The following AXDND1 variants were observed in gnomAD, a reference collection of about 807,000 sequenced individuals.
The protein encoded by AXDND1 is axonemal dynein light chain domain-containing protein 1.
A neutral mutation model predicts 137.5 loss-of-function variants in AXDND1; 110 were observed. The ratio of observed to expected loss-of-function variants is 0.80; its 90% CI spans 0.69 to 0.94. The LOEUF (loss-of-function observed/expected upper bound fraction) is 0.94. AXDND1 is among the 40% of genes least tolerant of loss of function. AXDND1 has a pLI of 0.00. For synonymous variants in AXDND1, 414 were observed against 399.7 expected (o/e 1.04, Z -0.43); for missense variants, 1,191 against 1,169.8 (o/e 1.02, Z -0.26).
chr1:179,538,108 G>A lies in AXDND1; in HGVS notation c.3031+3146G>A, dbSNP rs566557302. 1.6e-4 allele frequency among the ~76,000 whole-genome samples: 25 copies of A among 151,972 alleles called. 1 individual carries two copies. The highest frequency in any genetic ancestry group is 5.8e-4 in the East Asian group (3 of 5,164). On this transcript the variant is annotated intron_variant, in intron 25 of 25. Coordinates refer to ENST00000367618, the MANE Select transcript of AXDND1 (RefSeq NM_144696.6). ...TTTCTTCTTTATTAGTCTTGCTAGC[G>A]GTCTATCTATTTTGTTAATCTTTTC...
chr1:179,406,323 G>C (rs1434651097), intron 11 of AXDND1, among the ~76,000 whole-genome samples: 1 of 152,192 alleles, frequency 6.6e-6, no homozygotes, highest in Non-Finnish European at 1.5e-5. Flanking sequence ...AGAAGAATGT[G>C]TATTCTGCAG....
At chr1:179,515,931 A>T (rs1480209644) in intron 21 of AXDND1, among the ~76,000 whole-genome samples, 1 of 152,200 alleles carries the variant, frequency 6.6e-6, no homozygotes, top group Non-Finnish European at 1.5e-5. Context: ...TAAGATACAC[A>T]GATACAAACC....
chr1:179,510,526 C>G (rs958390075), intron 21 of AXDND1, among the ~76,000 whole-genome samples: 2 of 152,044 alleles, frequency 1.3e-5, no homozygotes, highest in Non-Finnish European at 2.9e-5. Flanking sequence ...CTGTCTAGAT[C>G]TTGGCAAGAA....
chr1:179,496,831 G>T (rs571393373), intron 20 of AXDND1, among the ~76,000 whole-genome samples: 6 of 152,006 alleles, frequency 3.9e-5, no homozygotes, highest in African/African-American at 1.4e-4. Context: ...CCATACCCCC[G>T]TAGGCATTTA....
rs760241113 is a variant in AXDND1 at position 179,468,637 on chromosome 1, G to T, written c.1993G>T (p.Val665Phe). The change falls in exon 17 of 26, where the codon GTT becomes TTT. Residue 665 changes from valine to phenylalanine, a missense_variant. Coordinates refer to ENST00000367618, the MANE Select transcript of AXDND1 (RefSeq NM_144696.6). ...IVPQHIDVDS[V>F]SVLQAYIFNM... ...TCCACAGCACATAGATGTGGATTCT[G>T]TTTCGTAAGTTCCCATAGGTTTCTT... 1 of 1,590,752 alleles carries T rather than the reference G, an allele frequency of 6.3e-7. No individual in the cohort carries two copies. Among genetic ancestry groups the T allele is most frequent in the South Asian group, 1.2e-5 (1 of 85,960 alleles).
At chr1:179,425,929 C>T (rs952394308) in intron 12 of AXDND1, among the ~76,000 whole-genome samples, 11 of 151,224 alleles carry the variant, frequency 7.3e-5, no homozygotes, top group East Asian at 3.9e-4. Context: ...CTCTGCCTCC[C>T]GGGTTCAAGC....
intron 20 of AXDND1, among the ~76,000 whole-genome samples, chr1:179,495,548 G>A (rs1488546828): frequency 6.6e-6 from 1 of 151,788 alleles, no homozygotes; most frequent in East Asian, 1.9e-4. Flanking sequence ...CTGTGACCTT[G>A]CTGAATTCAC....
chr1:179,381,669 A>G (rs1210485561), intron 6 of AXDND1, among the ~76,000 whole-genome samples: 1 of 151,966 alleles, frequency 6.6e-6, no homozygotes, highest in Admixed American at 6.6e-5. Context: ...AAATTTCATC[A>G]TTTCTTCTGT....
chr1:179,455,431 A>G (rs1262272136), intron 16 of AXDND1: 1 of 151,364 alleles, frequency 6.6e-6, no homozygotes, highest in African/African-American at 2.4e-5. Context: ...TCTCTACTAC[A>G]AATACAAAAA....
chr1:179,436,238 G>A (rs1249850815), intron 15 of AXDND1, among the ~76,000 whole-genome samples: 2 of 152,212 alleles, frequency 1.3e-5, no homozygotes, highest in Non-Finnish European at 2.9e-5. Flanking sequence ...CCTTTACATT[G>A]TTGGTGGGAA....
At chr1:179,501,643 C>T (rs922148227) in intron 20 of AXDND1, among the ~76,000 whole-genome samples, 3 of 152,094 alleles carry the variant, frequency 2.0e-5, no homozygotes, top group South Asian at 2.1e-4. Flanking sequence ...ACCGGGAAGG[C>T]GGAGGTCACA....
Position 179,502,447 on chromosome 1 carries a change from C to T in AXDND1, c.2389-6849C>T, listed in dbSNP as rs562505074. Among the ~76,000 whole-genome samples, 59 of 151,716 alleles carry T rather than the reference C, an allele frequency of 3.9e-4. 1 individual carries two copies. In the South Asian group the frequency reaches 0.012, roughly 31 times the overall value. On this transcript the variant is annotated intron_variant, in intron 20 of 25. Coordinates refer to ENST00000367618, the MANE Select transcript of AXDND1 (RefSeq NM_144696.6). ...GGCATGGTGGCACGCACCGGCAGTCCCAGCTACTGGGGAGGCTGAGGCAGG... is the reference window on the plus strand; with the variant it reads ...GGCATGGTGGCACGCACCGGCAGTCTCAGCTACTGGGGAGGCTGAGGCAGG...
intron 17 of AXDND1, among the ~76,000 whole-genome samples, chr1:179,474,395 G>C (rs1395021798): frequency 6.6e-6 from 1 of 152,124 alleles, no homozygotes; most frequent in Non-Finnish European, 1.5e-5. Context: ...AGGGCTCAGA[G>C]GAAGACAGAA....
chr1:179,503,471 C>G (rs1026569969), intron 20 of AXDND1, among the ~76,000 whole-genome samples: 2 of 151,952 alleles, frequency 1.3e-5, no homozygotes, highest in African/African-American at 2.4e-5. Flanking sequence ...ATTGGATGCA[C>G]TAATTTTTAG....
rs1367374012 is a variant in AXDND1, at chr1:179,383,454, A to C, written c.651A>C (p.Lys217Asn). Residue 217 changes from lysine (K) to asparagine (N), a missense_variant, in exon 8 of 26, where the codon AAA becomes AAC. Physicochemically the swap from Lys to Asn is moderately conservative, Grantham distance 94 (BLOSUM62 0). Coordinates refer to ENST00000367618, the MANE Select transcript of AXDND1 (RefSeq NM_144696.6). ...CTTAATTTTTTAGGAAACCTAATAA[A>C]AGAGTAGAAGTGGCCCAGCTGAATG... ...LLLFPSMKPNKRVEVAQLNDV... is the reference protein window; with the variant it reads ...LLLFPSMKPNNRVEVAQLNDV... 1 of 1,613,658 alleles carries C rather than the reference A, an allele frequency of 6.2e-7. No individual in the cohort carries two copies. Among genetic ancestry groups the C allele is most frequent in the Non-Finnish European group, 8.5e-7 (1 of 1,179,618 alleles).
intron 16 of AXDND1, chr1:179,449,308 G>GCA: frequency 3.3e-6 from 1 of 303,440 alleles, no homozygotes; most frequent in South Asian, 2.5e-5. Flanking sequence ...AATAGTCTTG[G>GCA]CATCCTTGTC....
chr1:179,496,296 A>G (rs996642309), intron 20 of AXDND1, among the ~76,000 whole-genome samples: 3 of 152,018 alleles, frequency 2.0e-5, no homozygotes, highest in East Asian at 1.9e-4. Context: ...TATTTCTTCC[A>G]TAAATGTTTG....
rs181684693 is a variant in AXDND1 at position 179,430,381 on chromosome 1, T to A, written c.1333-71T>A. 2.2e-4 allele frequency: 248 copies of A among 1,150,798 alleles called. 1 individual carries two copies. The highest frequency in any genetic ancestry group is 1.5e-3 in the Middle Eastern group (5 of 3,286). 71.3% of individuals were successfully genotyped at this position (1,150,798 alleles called of 1,614,324 possible). On this transcript the variant is annotated intron_variant, in intron 13 of 25. Transcript: ENST00000367618. Reference sequence around the variant, plus strand: ...TAGTATTACAATATTAATAATGGCCTGGTATATGTTAATGACTATTTGTTA... The same window carrying A: ...TAGTATTACAATATTAATAATGGCCAGGTATATGTTAATGACTATTTGTTA...
At chr1:179,549,824 T>A (rs999022489) in intron 25 of AXDND1, among the ~76,000 whole-genome samples, 1 of 152,116 alleles carries the variant, frequency 6.6e-6, no homozygotes, top group Non-Finnish European at 1.5e-5. Flanking sequence ...CTGATTGCCA[T>A]TGACCCTTTA....
Sources: allele counts gnomAD v4.1 joint callset (sites outside exome capture counted in the v4.1 genomes callset), GRCh38; gene constraint gnomAD v4.1.1; transcripts MANE v1.5; gene names NCBI Gene and HGNC (gene_info 2026-07-23, HGNC 2026-07-21).